The following MIEF1 variants were observed in gnomAD, a reference collection of about 807,000 sequenced individuals.
MIEF1 encodes the protein mitochondrial dynamics protein MIEF1.
A neutral mutation model predicts 35.1 loss-of-function variants in MIEF1; 14 were observed. The ratio of observed to expected loss-of-function variants is 0.40; its 90% confidence interval spans 0.26 to 0.62. The LOEUF (loss-of-function observed/expected upper bound fraction) is 0.62. Among genes scored for constraint, MIEF1 ranks in the 20% least tolerant of loss-of-function variants. MIEF1 has a pLI of 0.43. For missense variants in MIEF1, 542 were observed against 615.4 expected (o/e 0.88, Z 1.26); for synonymous variants, 245 against 254.3 (o/e 0.96, Z 0.35).
At position 39,513,980 on chromosome 22, in the gene MIEF1, G is replaced by A. The variant is rs1249093190; in HGVS notation, c.1049G>A (p.Arg350Gln). 1.1e-5 allele frequency: 17 copies of A among 1,612,994 alleles called. No individual in the cohort carries two copies. Among genetic ancestry groups the A allele is most frequent in the Non-Finnish European group, 1.4e-5 (17 of 1,180,032 alleles). The change falls in exon 6 of 6, where the codon CGG becomes CAG. Residue 350 changes from arginine to glutamine, a missense_variant. Arg to Gln is a conservative substitution (Grantham distance 43, BLOSUM62 1). Transcript: ENST00000325301. Reference sequence around the variant, plus strand: ...CGTCCCGCGGAGACGGCACGCCTGCGGGCTCTGGACCAGGCTGACTCGGGC... The same window carrying A: ...CGTCCCGCGGAGACGGCACGCCTGCAGGCTCTGGACCAGGCTGACTCGGGC... The part of the protein sequence containing the change: ...SLRPAETARL[R>Q]ALDQADSGCR...
intron 1 of MIEF1, among the ~76,000 whole-genome samples, chr22:39,502,792 C>T (rs547623792): frequency 6.2e-4 from 95 of 152,382 alleles, no homozygotes; most frequent in African/African-American, 2.2e-3. Flanking sequence ...TCGCCTTTTA[C>T]AGCATCAAAC....
At position 39,511,963 on chromosome 22, in the gene MIEF1, A is replaced by T. The variant is rs768717514; in HGVS notation, c.259A>T (p.Met87Leu). The T allele has an allele frequency of 1.1e-5, 18 of 1,614,206 alleles. 1 individual carries two copies. In the South Asian group the frequency reaches 1.8e-4, roughly 16 times the overall value. The stretch of plus-strand genomic sequence containing the variant: ...CTCCCCACGACTGCTGAACAGGGAC[A>T]TGAAGACGGGCCTGAGCCGGTCCTT... ...MGSPRLLNRD[M>L]KTGLSRSLQT... The change falls in exon 4 of 6, where the codon ATG (methionine) becomes TTG (leucine). Residue 87 changes from methionine (M) to leucine (L), a missense_variant. Coordinates refer to ENST00000325301, the MANE Select transcript of MIEF1 (RefSeq NM_019008.6).
rs1160543201 is a variant in MIEF1 at position 39,514,661 on chromosome 22, G to A, written c.*338G>A. The A allele has an allele frequency of 2.8e-6, 1 of 355,130 alleles. No individual in the cohort carries two copies. Among genetic ancestry groups the A allele is most frequent in the Non-Finnish European group, 5.2e-6 (1 of 192,570 alleles). The allele number at this position is 355,130 out of a possible 1,614,324, so 22.0% of individuals were successfully genotyped here. On this transcript the variant is annotated 3_prime_UTR_variant, in exon 6 of 6. Coordinates refer to ENST00000325301, the MANE Select transcript of MIEF1 (RefSeq NM_019008.6). ...CATGTTTGCTGCCTCTATCTGGTCT[G>A]CCTTGCCCGTTTGCCTGTTCCTATT... is the stretch of plus-strand genomic sequence containing the variant.
At chr22:39,511,462 G>A in intron 3 of MIEF1, 24 bp downstream of exon 3, 3 of 1,531,894 alleles carry the variant, frequency 2.0e-6, no homozygotes, top group Non-Finnish European at 2.6e-6. Context: ...GCCAGGGCTG[G>A]GGGTGGAATG....
In MIEF1 at chr22:39,512,290, G is replaced by A; in HGVS notation, c.381G>A (p.Lys127=). The change falls in exon 5 of 6, where the codon AAG becomes AAA. Residue 127 remains lysine, a synonymous_variant. Coordinates refer to ENST00000325301, the MANE Select transcript of MIEF1 (RefSeq NM_019008.6). The part of the protein sequence containing the change: ...PVARKGQVDL[K]KSRLRMSLQE... ...CCAGGAAGGGCCAGGTAGACTTGAA[G>A]AAGTCACGACTCCGCATGTCCCTGC... 1 of 1,614,102 alleles carries A rather than the reference G, an allele frequency of 6.2e-7. No homozygotes were observed. Among genetic ancestry groups the A allele is most frequent in the Non-Finnish European group, 8.5e-7 (1 of 1,179,992 alleles).
intron 5 of MIEF1, among the ~76,000 whole-genome samples, chr22:39,512,782 G>T (rs55714453): frequency 0.021 from 3,262 of 152,162 alleles, 110 homozygotes; most frequent in African/African-American, 0.072. Flanking sequence ...GAGTAGCTGG[G>T]ATTACAGGTG....
chr22:39,500,979 G>A (rs965469100), upstream of MIEF1, among the ~76,000 whole-genome samples: 2 of 152,104 alleles, frequency 1.3e-5, no homozygotes, highest in Non-Finnish European at 2.9e-5. Context: ...TTACAGACGT[G>A]AGCCACCGTG....
In MIEF1 at chr22:39,515,004, G is replaced by A. The variant is rs755454579; in HGVS notation, c.*681G>A. On this transcript the variant is annotated 3_prime_UTR_variant, in exon 6 of 6. Coordinates refer to ENST00000325301, the MANE Select transcript of MIEF1 (RefSeq NM_019008.6). ...ACTGTTAATGACCCACACAGGATAA[G>A]CTGAATGCAAAGTTATTTGCAGGTT... 1.3e-5 allele frequency: 7 copies of A among 539,476 alleles called. No homozygotes were observed. Among genetic ancestry groups the A allele is most frequent in the Non-Finnish European group, 2.3e-5 (7 of 304,626 alleles). 33.4% of individuals were successfully genotyped at this position (539,476 alleles called of 1,614,324 possible).
At chr22:39,506,431 C>T (rs150659359) in intron 2 of MIEF1, among the ~76,000 whole-genome samples, 25 of 152,250 alleles carry the variant, frequency 1.6e-4, no homozygotes, top group Admixed American at 1.6e-3. Flanking sequence ...ACACAGTGAC[C>T]TTGGGTCAGT....
At chr22:39,508,534 C>T (rs1930167246) in intron 2 of MIEF1, among the ~76,000 whole-genome samples, 1 of 152,196 alleles carries the variant, frequency 6.6e-6, no homozygotes, top group African/African-American at 2.4e-5. Flanking sequence ...TAGTGTTCTG[C>T]TTTTCTCCTG....
chr22:39,503,605 T>G (rs2145740188), intron 1 of MIEF1: 1 of 152,388 alleles, frequency 6.6e-6, no homozygotes, highest in Admixed American at 6.5e-5. Flanking sequence ...GTGTGCCAAG[T>G]GCTGTTCTAA....
chr22:39,506,372 T>C (rs1930016896), intron 2 of MIEF1, among the ~76,000 whole-genome samples: 1 of 152,136 alleles, frequency 6.6e-6, no homozygotes, highest in African/African-American at 2.4e-5. Flanking sequence ...AGATTAGTTC[T>C]CCGCACCGCG....
rs990944411 is a variant in MIEF1 at position 39,516,490 on chromosome 22, GTCAGGAGT to G, written c.*2170_*2177del. ...AGCTAAGGCGGGTGGATCACTTGAG[GTCAGGAGT>G]TCGAGACCAGCCTGGCCAACATGGT... On this transcript the variant is annotated 3_prime_UTR_variant, in exon 6 of 6. Transcript: ENST00000325301. 2 of 152,218 alleles carry G rather than the reference GTCAGGAGT, an allele frequency of 1.3e-5. No individual in the cohort carries two copies. The highest frequency in any genetic ancestry group is 2.9e-5 in the Non-Finnish European group (2 of 68,048). 9.4% of individuals were successfully genotyped at this position (152,218 alleles called of 1,614,324 possible).
intron 5 of MIEF1, 74 bp from the exon 6 acceptor site, chr22:39,513,443 G>A (rs1930475274): frequency 6.9e-7 from 1 of 1,439,388 alleles, no homozygotes; most frequent in African/African-American, 1.4e-5. Context: ...GTAAGATGGT[G>A]GGAACCGTCT....
chr22:39,512,555 C>G, intron 5 of MIEF1, 61 bp downstream of exon 5: 4 of 1,547,898 alleles, frequency 2.6e-6, no homozygotes, highest in Non-Finnish European at 3.5e-6. Context: ...GTGTTGTTGG[C>G]ACAGATCAGT....
Position 39,512,261 on chromosome 22 carries a change from G to C in MIEF1, c.352G>C (p.Val118Leu). The C allele has an allele frequency of 6.2e-7, 1 of 1,613,842 alleles. No homozygotes were observed. Among genetic ancestry groups the C allele is most frequent in the Non-Finnish European group, 8.5e-7 (1 of 1,180,022 alleles). The change falls in exon 5 of 6, where the codon GTG (valine) becomes CTG (leucine). Residue 118 changes from valine (V) to leucine (L), a missense_variant. Transcript: ENST00000325301. ...ATTCTGCCCGCCCCGGCCCAAGCCA[G>C]TGGCCAGGAAGGGCCAGGTAGACTT... ...DTFCPPRPKP[V>L]ARKGQVDLKK...
In MIEF1 at chr22:39,515,414, T is replaced by C. The variant is rs192744994; in HGVS notation, c.*1091T>C. The C allele has an allele frequency of 4.6e-5, 32 of 702,314 alleles. 1 individual carries two copies. The highest frequency in any genetic ancestry group is 4.6e-4 in the Admixed American group (22 of 48,296). The allele number at this position is 702,314 out of a possible 1,614,324, so 43.5% of individuals were successfully genotyped here. A position where few individuals can be genotyped will look rare whatever the true frequency, so the allele number is the denominator to read the frequency against. On this transcript the variant is annotated 3_prime_UTR_variant, in exon 6 of 6. Transcript: ENST00000325301. ...CAAGAACAGACCCAACAGCCAGCCC[T>C]TCATCCTCCAGCGTCTGCCATAGGA... is the stretch of plus-strand genomic sequence containing the variant.
intron 1 of MIEF1, 81 bp downstream of exon 1, chr22:39,502,518 G>C (rs1279041852): frequency 1.3e-5 from 2 of 152,280 alleles, no homozygotes; most frequent in African/African-American, 2.4e-5. Flanking sequence ...TGCTGCCGGC[G>C]CCTCGCATGC....
Position 39,514,977 on chromosome 22 carries a change from A to G in MIEF1, c.*654A>G. The G allele has an allele frequency of 2.2e-6, 1 of 455,302 alleles. No individual in the cohort carries two copies. The highest frequency in any genetic ancestry group is 3.9e-5 in the East Asian group (1 of 25,876). The allele number at this position is 455,302 out of a possible 1,614,324, so 28.2% of individuals were successfully genotyped here. A position where few individuals can be genotyped will look rare whatever the true frequency, so the allele number is the denominator to read the frequency against. ...AATGCTGAGAATGTCTCTCATGGGA[A>G]CACTGTTAATGACCCACACAGGATA... On this transcript the variant is annotated 3_prime_UTR_variant, in exon 6 of 6. Transcript: ENST00000325301.
Sources: allele counts gnomAD v4.1 joint callset (sites outside exome capture counted in the v4.1 genomes callset), GRCh38; gene constraint gnomAD v4.1.1; transcripts MANE v1.5; gene names NCBI Gene and HGNC (gene_info 2026-07-23, HGNC 2026-07-21).